The following OTOGL variants were observed in gnomAD, a reference collection of about 807,000 sequenced individuals.
OTOGL encodes the protein otogelin-like protein.
A neutral mutation model predicts 318.5 loss-of-function variants in OTOGL; 285 were observed. That is an observed-to-expected ratio of 0.89 (90% CI 0.81 to 0.99). The LOEUF (loss-of-function observed/expected upper bound fraction) is 0.99, where lower values mean the gene tolerates loss of function less well. Among genes scored for constraint, OTOGL ranks in the 50% least tolerant of loss-of-function variants. The pLI is 0.00. For missense variants in OTOGL, 2,899 were observed against 2,845.6 expected (o/e 1.02, Z -0.43); for synonymous variants, 987 against 936.5 (o/e 1.05, Z -0.99).
intron 5 of OTOGL, among the ~76,000 whole-genome samples, chr12:80,219,092 A>G (rs1376524488): frequency 1.3e-5 from 2 of 151,634 alleles, no homozygotes; most frequent in African/African-American, 4.8e-5. Context: ...CTGATCCCTC[A>G]AGTTAATGAT....
intron 11 of OTOGL, among the ~76,000 whole-genome samples, chr12:80,241,463 G>T (rs553468727): frequency 1.1e-4 from 16 of 151,380 alleles, no homozygotes; most frequent in African/African-American, 2.9e-4. Flanking sequence ...CTTTGTTGTT[G>T]TTTTTTTTCT....
intron 17 of OTOGL, among the ~76,000 whole-genome samples, chr12:80,256,693 C>A (rs1274166418): frequency 6.6e-6 from 1 of 152,010 alleles, no homozygotes; most frequent in Non-Finnish European, 1.5e-5. Context: ...GAGAGACAAG[C>A]AAGCAGCCAC....
At chr12:80,187,171 G>C (rs142868653) in intron 1 of OTOGL, among the ~76,000 whole-genome samples, 2 of 152,146 alleles carry the variant, frequency 1.3e-5, no homozygotes, top group Admixed American at 6.5e-5. Context: ...AGAGGTAAGG[G>C]ATGAGAAAAC....
At position 80,336,987 on chromosome 12, in the gene OTOGL, A is replaced by G; in HGVS notation, c.4843A>G (p.Asn1615Asp). The change falls in exon 42 of 59, where the codon AAT becomes GAT. Residue 1615 changes from asparagine to aspartate, a missense_variant. Around this residue, in one of 3 missense-constraint regions of OTOGL, gnomAD observed 2,607 missense variants for 2,524.9 expected, o/e 1.03. Coordinates refer to ENST00000547103, the MANE Select transcript of OTOGL (RefSeq NM_001378609.3). ...AACACCCATACATAAAATAATTGTC[A>G]ATCGGTTGGCAAGAAAGGTAAGAAT... Reference protein sequence around the residue: ...VTTPIHKIIVNRLARKVEVDS... With the variant: ...VTTPIHKIIVDRLARKVEVDS... The G allele has an allele frequency of 6.3e-7, 1 of 1,583,666 alleles. No individual in the cohort carries two copies. The highest frequency in any genetic ancestry group is 1.2e-5 in the South Asian group (1 of 86,482).
rs749335791 is a variant in OTOGL, at chr12:80,322,549, T to C, written c.4082-1174T>C. On this transcript the variant is annotated intron_variant, in intron 34 of 58. Transcript: ENST00000547103. ...TATAGATGCTTTCCAAAAAGACTTA[T>C]TTTCCTTGCTGTAATTTGGAATTGA... is the stretch of plus-strand genomic sequence containing the variant. 1.6e-4 allele frequency among the ~76,000 whole-genome samples: 25 copies of C among 152,198 alleles called. 1 individual carries two copies. The highest frequency in any genetic ancestry group is 2.5e-4 in the Non-Finnish European group (17 of 68,026).
chr12:80,262,828 T>A (rs1251315216), intron 19 of OTOGL, among the ~76,000 whole-genome samples: 1 of 152,074 alleles, frequency 6.6e-6, no homozygotes, highest in South Asian at 2.1e-4. Context: ...TGTGAAAAAA[T>A]TAATGTACAT....
intron 26 of OTOGL, among the ~76,000 whole-genome samples, chr12:80,295,530 C>A (rs1014425604): frequency 6.6e-6 from 1 of 152,118 alleles, no homozygotes; most frequent in African/African-American, 2.4e-5. Flanking sequence ...AAATGCTGAC[C>A]CATGTGTCTC....
chr12:80,206,462 A>G (rs1305221822), intron 1 of OTOGL, among the ~76,000 whole-genome samples: 1 of 152,128 alleles, frequency 6.6e-6, no homozygotes, highest in African/African-American at 2.4e-5. Flanking sequence ...AGCTTGCTCT[A>G]TCTATAAAAT....
intron 42 of OTOGL, 93 bp downstream of exon 42, chr12:80,337,097 A>C: frequency 1.1e-6 from 1 of 903,478 alleles, no homozygotes; most frequent in South Asian, 1.6e-5. Flanking sequence ...TAAGCATATC[A>C]ATGGAATTTA....
intron 50 of OTOGL, 23 bp from the exon 51 acceptor site, chr12:80,358,648 A>G (rs1890054510): frequency 6.5e-7 from 1 of 1,532,436 alleles, no homozygotes; most frequent in Non-Finnish European, 9.0e-7. Flanking sequence ...ATTCATCTTT[A>G]CCCATGTAAT....
chr12:80,194,500 A>G (rs912450106), intron 1 of OTOGL, among the ~76,000 whole-genome samples: 1 of 152,194 alleles, frequency 6.6e-6, no homozygotes, highest in Non-Finnish European at 1.5e-5. Flanking sequence ...CATATAGGGA[A>G]AATAAACACA....
chr12:80,353,538 T>G, intron 46 of OTOGL, 28 bp downstream of exon 46: 1 of 1,417,586 alleles, frequency 7.1e-7, no homozygotes, highest in Non-Finnish European at 9.4e-7. Context: ...AAATGACTTC[T>G]CAGGAATCCG....
intron 1 of OTOGL, among the ~76,000 whole-genome samples, chr12:80,185,624 C>T (rs371866989): frequency 1.3e-5 from 2 of 152,086 alleles, no homozygotes; most frequent in Non-Finnish European, 2.9e-5. Flanking sequence ...TCAGTGTCCT[C>T]ATCTGTAAAA....
rs755118568 is a variant in OTOGL, at chr12:80,320,682, A to G, written c.4063A>G (p.Ser1355Gly). 3 of 1,604,302 alleles carry G rather than the reference A, an allele frequency of 1.9e-6. No individual in the cohort carries two copies. In the Admixed American group the frequency reaches 5.1e-5, roughly 27 times the overall value. ...YDDSEEFKHS[S>G]SFSIEEIQAA... ...TGATTCTGAAGAATTTAAACATTCA[A>G]GTAGCTTCAGCATAGAAGGTATGTT... The change falls in exon 34 of 59, where the codon AGT becomes GGT. Residue 1355 changes from serine (S) to glycine (G), a missense_variant. Coordinates refer to ENST00000547103, the MANE Select transcript of OTOGL (RefSeq NM_001378609.3).
intron 4 of OTOGL, among the ~76,000 whole-genome samples, chr12:80,212,244 C>A (rs1055757848): frequency 6.6e-6 from 1 of 152,076 alleles, no homozygotes; most frequent in South Asian, 2.1e-4. Context: ...CAGTTACCTA[C>A]TAATAGGCTT....
rs1886572383 is a variant in OTOGL, at chr12:80,310,659, A to G, written c.3382A>G (p.Lys1128Glu). Reference sequence around the variant, plus strand: ...TAAACCCTGTGAGGCACATCAAAACAAATTTCCTTATGCCAAGAAAGAATG... The same window carrying G: ...TAAACCCTGTGAGGCACATCAAAACGAATTTCCTTATGCCAAGAAAGAATG... The part of the protein sequence containing the change: ...TIKPCEAHQN[K>E]FPYAKKECSI... The change falls in exon 30 of 59, where the codon AAA (lysine) becomes GAA (glutamate). Residue 1128 changes from lysine (K) to glutamate (E), a missense_variant. Lys to Glu is a moderately conservative substitution (Grantham distance 56, BLOSUM62 1). This residue lies in a region of OTOGL where 2,607 missense variants were observed against 2,524.9 expected (regional missense o/e 1.03). Transcript: ENST00000547103. 8 of 1,597,518 alleles carry G rather than the reference A, an allele frequency of 5.0e-6. No homozygotes were observed. The highest frequency in any genetic ancestry group is 5.9e-6 in the Non-Finnish European group (7 of 1,178,002).
intron 1 of OTOGL, among the ~76,000 whole-genome samples, chr12:80,190,245 G>GA (rs1463097641): frequency 2.6e-5 from 4 of 152,126 alleles, no homozygotes; most frequent in Admixed American, 6.5e-5. Context: ...ACTGATAGAT[G>GA]AAAGAGCTTC....
chr12:80,352,754 T>G (rs1164154728), intron 45 of OTOGL, among the ~76,000 whole-genome samples: 2 of 152,208 alleles, frequency 1.3e-5, no homozygotes, highest in African/African-American at 4.8e-5. Context: ...TGTTCTCCAC[T>G]GAGATTATAC....
chr12:80,285,189 G>A (rs1303074281), intron 26 of OTOGL, among the ~76,000 whole-genome samples: 2 of 152,006 alleles, frequency 1.3e-5, no homozygotes, highest in Admixed American at 6.6e-5. Context: ...GGTGGTTGTA[G>A]ATATGTGGCA....
Sources: gnomAD v4.1 joint callset for allele counts (sites outside exome capture counted in the v4.1 genomes callset) on GRCh38, gnomAD v4.1.1 for gene constraint, gnomAD v4.1.1 regional missense constraint, MANE v1.5 for transcripts, NCBI Gene and HGNC (gene_info 2026-07-23, HGNC 2026-07-21) for gene names.